Variants in WNK3 observed in about 807,000 individuals in gnomAD.
The protein encoded by WNK3 is serine/threonine-protein kinase WNK3.
A neutral mutation model predicts 116.7 loss-of-function variants in WNK3; 18 were observed. That is an observed-to-expected ratio of 0.15 (90% CI 0.11 to 0.23). WNK3 has a LOEUF of 0.23. Ranked by LOEUF, WNK3 falls within the 10% of genes least tolerant of loss-of-function variation. The probability of loss-of-function intolerance (pLI) is 1.00; values close to 1 mark genes in which losing one functional copy is unlikely to be tolerated. For synonymous variants in WNK3, 404 were observed against 469.4 expected, an observed-to-expected ratio of 0.86 and a Z score of 1.80; for missense variants, 993 against 1,323.8, an observed-to-expected ratio of 0.75 and a Z score of 3.88.
chrX:54,355,338 A>G (rs782278423), intron 1 of WNK3, among the ~76,000 whole-genome samples: 1 of 111,612 alleles, frequency 9.0e-6, no homozygotes, highest in East Asian at 2.8e-4. Context: ...TTACTAGGGC[A>G]TGTCTTGTTT....
In WNK3 at chrX:54,240,410, A is replaced by G. The variant is rs192844312; in HGVS notation, c.3652-1311T>C. ...TTTACTTTCTGAAGTCTCATTTTAA[A>G]CTAGTAATAATTAGTTTCATGAGAA... On this transcript the variant is annotated intron_variant, in intron 17 of 23. Transcript: ENST00000354646. Among the ~76,000 whole-genome samples, 9 of 112,068 alleles carry G rather than the reference A, an allele frequency of 8.0e-5. No individual in the cohort carries two copies. In the East Asian group the frequency reaches 2.5e-3, roughly 31 times the overall value.
intron 22 of WNK3, among the ~76,000 whole-genome samples, chrX:54,216,300 T>C (rs2067694752): frequency 9.4e-6 from 1 of 106,048 alleles, no homozygotes; most frequent in Non-Finnish European, 1.9e-5. Context: ...AAAATATATA[T>C]ATATATATAT....
chrX:54,336,596 G>T (rs1173319681), intron 1 of WNK3, among the ~76,000 whole-genome samples: 2 of 111,113 alleles, frequency 1.8e-5, no homozygotes, highest in Non-Finnish European at 3.8e-5. Flanking sequence ...ATCATGAGCA[G>T]TTGTTTACAT....
intron 2 of WNK3, among the ~76,000 whole-genome samples, chrX:54,317,380 G>A (rs1048044453): frequency 6.4e-5 from 7 of 110,161 alleles, no homozygotes; most frequent in African/African-American, 2.3e-4. Context: ...GGCTGGTCTC[G>A]AACTCTTGAC....
intron 22 of WNK3, among the ~76,000 whole-genome samples, chrX:54,218,079 C>T (rs1557145774): frequency 9.0e-6 from 1 of 111,722 alleles, no homozygotes; most frequent in Non-Finnish European, 1.9e-5. Flanking sequence ...ATTATAAATA[C>T]AGTTGACCCT....
intron 22 of WNK3, among the ~76,000 whole-genome samples, chrX:54,205,840 G>A (rs376168968): frequency 6.3e-5 from 7 of 111,815 alleles, no homozygotes; most frequent in Admixed American, 9.5e-5. Context: ...CTATGCAAAC[G>A]TGGTTTATGA....
chrX:54,208,854 C>T (rs1301107830), intron 22 of WNK3, among the ~76,000 whole-genome samples: 3 of 111,619 alleles, frequency 2.7e-5, no homozygotes, highest in African/African-American at 9.8e-5. Context: ...AATTCATGCT[C>T]AGACTTCCAT....
exon 24 of WNK3, chrX:54,198,267 G>T: frequency 1.0e-6 from 1 of 986,352 alleles, no homozygotes; most frequent in East Asian, 3.3e-5. Context: ...TTAATATCTT[G>T]GGTGTCCTGA....
chrX:54,193,797 A>T lies in WNK3; in HGVS notation c.*4527T>A, dbSNP rs781884786. The T allele has an allele frequency of 4.5e-5, 5 of 111,703 alleles. No homozygotes were observed. The South Asian group carries it at 1.9e-3, about 42-fold the overall frequency. The allele number at this position is 111,703 out of a possible 1,213,427, so 9.2% of individuals were successfully genotyped here. On this transcript the variant is annotated 3_prime_UTR_variant, in exon 24 of 24. Coordinates refer to ENST00000354646, the Ensembl canonical transcript of WNK3. ...TTACTATCTTACGATCTGCATTTTTAAAATTTCAATCTTAGAAATTACACC... is the reference window on the plus strand; with the variant it reads ...TTACTATCTTACGATCTGCATTTTTTAAATTTCAATCTTAGAAATTACACC...
chrX:54,238,806 A>C, intron 18 of WNK3, 62 bp downstream of exon 18: 3 of 937,664 alleles, frequency 3.2e-6, no homozygotes, highest in Non-Finnish European at 4.3e-6. Flanking sequence ...TGAACAACAA[A>C]AAAAATAAGT....
chrX:54,233,472 A>AGAGG (rs1340770324), intron 20 of WNK3, among the ~76,000 whole-genome samples: 25 of 88,698 alleles, frequency 2.8e-4, no homozygotes, highest in African/African-American at 6.2e-4. Flanking sequence ...AGCGAGAGAG[A>AGAGG]GAGGGAGGGA....
chrX:54,223,043 A>C (rs998350343), intron 22 of WNK3, among the ~76,000 whole-genome samples: 1 of 106,744 alleles, frequency 9.4e-6, no homozygotes, highest in Non-Finnish European at 1.9e-5. Context: ...AAAAAGAAAA[A>C]AATCGAAGAT....
chrX:54,208,921 A>G (rs1026303087), intron 22 of WNK3, among the ~76,000 whole-genome samples: 1 of 111,497 alleles, frequency 9.0e-6, no homozygotes. Context: ...AGGTGTACAC[A>G]TTTCTACCCA....
chrX:54,219,632 C>T (rs782201860), intron 22 of WNK3, among the ~76,000 whole-genome samples: 4 of 88,345 alleles, frequency 4.5e-5, no homozygotes, highest in African/African-American at 9.1e-5. Flanking sequence ...GAGCCGAGAT[C>T]GCGCCAGCCT....
chrX:54,358,198 GC>G (rs1272406487), upstream of WNK3, among the ~76,000 whole-genome samples: 15 of 111,051 alleles, frequency 1.4e-4, no homozygotes, highest in Non-Finnish European at 2.5e-4. Flanking sequence ...CACGCCTCCC[GC>G]CCCCCTCGGC....
rs781837302 is a variant in WNK3, at chrX:54,294,855, C to A, written c.1399-8G>T. 1.7e-6 allele frequency: 2 copies of A among 1,152,400 alleles called. No homozygotes were observed. Among genetic ancestry groups the A allele is most frequent in the Non-Finnish European group, 2.3e-6 (2 of 868,594 alleles). 95.0% of individuals were successfully genotyped at this position (1,152,400 alleles called of 1,213,427 possible). On this transcript the variant is annotated splice_polypyrimidine_tract_variant and splice_region_variant and intron_variant, in intron 7 of 23. Coordinates refer to ENST00000354646, the Ensembl canonical transcript of WNK3. ...GAAGAACCCAGACTTGACCTACAAA[C>A]AAAACATAATAAGCAAACTACTTCT...
At chrX:54,301,120 G>T (rs533008336) in intron 6 of WNK3, among the ~76,000 whole-genome samples, 352 of 108,140 alleles carry the variant, frequency 3.3e-3, no homozygotes, top group Middle Eastern at 0.014. Context: ...GCATGCACCT[G>T]CAATCCCAGC....
At chrX:54,263,366 C>T (rs782093109) in intron 10 of WNK3, among the ~76,000 whole-genome samples, 18 of 112,059 alleles carry the variant, frequency 1.6e-4, no homozygotes, top group African/African-American at 5.5e-4. Flanking sequence ...ACATGCCAGA[C>T]ACTTCTCATA....
chrX:54,282,721 G>A (rs781848650), intron 10 of WNK3, among the ~76,000 whole-genome samples: 2 of 111,610 alleles, frequency 1.8e-5, no homozygotes, highest in East Asian at 5.6e-4. Context: ...TTCAATGGGT[G>A]AATAGTCTTT....
Sources: allele counts gnomAD v4.1 joint callset (sites outside exome capture counted in the v4.1 genomes callset), GRCh38; gene constraint gnomAD v4.1.1; transcripts MANE v1.5; gene names NCBI Gene and HGNC (gene_info 2026-07-23, HGNC 2026-07-21).